SAMMSON: variants seen among roughly 807,000 people sequenced by gnomAD.
The protein encoded by SAMMSON is long intergenic non-protein coding RNA 1212.
At chr3:70,326,176 CTT>C (rs2106720012) in intron 7 of SAMMSON, among the ~76,000 whole-genome samples, 1 of 152,020 alleles carries the variant, frequency 6.6e-6, no homozygotes, top group East Asian at 1.9e-4. Flanking sequence ...CTTTCCCTTC[CTT>C]CTGCCATTCT....
intron 7 of SAMMSON, among the ~76,000 whole-genome samples, chr3:70,293,990 G>C (rs1368983563): frequency 1.3e-5 from 2 of 152,046 alleles, no homozygotes; most frequent in Admixed American, 6.6e-5. Flanking sequence ...TCACTCAAGA[G>C]TTTGAGTGTA....
At chr3:70,283,856 A>G (rs1702113629) in intron 6 of SAMMSON, 1 of 152,114 alleles carries the variant, frequency 6.6e-6, no homozygotes, top group Non-Finnish European at 1.5e-5. Flanking sequence ...TGGTGAGTAC[A>G]TAATGTATTT....
At chr3:70,284,461 C>T (rs1454343686) in intron 6 of SAMMSON, among the ~76,000 whole-genome samples, 3 of 152,036 alleles carry the variant, frequency 2.0e-5, no homozygotes, top group Non-Finnish European at 4.4e-5. Context: ...GAGATTGGAA[C>T]CCATTTACTC....
In SAMMSON at chr3:70,053,950, C is replaced by CT. The variant is rs201222992; in HGVS notation, n.418-17518dup. On this transcript the variant is annotated intron_variant and non_coding_transcript_variant, in intron 3 of 9. Coordinates refer to ENST00000642114, the Ensembl canonical transcript of SAMMSON. ...ATATTTAATATTTCACACTCATTGC[C>CT]TTTTTTTTAAATTTACTGTGTGCAT... is the stretch of plus-strand genomic sequence containing the variant. Among the ~76,000 whole-genome samples, 841 of 151,942 alleles carry CT rather than the reference C, an allele frequency of 5.5e-3. 10 individuals carry two copies. The highest frequency in any genetic ancestry group is 0.018 in the African/African-American group (758 of 41,456).
intron 7 of SAMMSON, among the ~76,000 whole-genome samples, chr3:70,350,652 A>G (rs1444752214): frequency 2.0e-5 from 3 of 152,178 alleles, no homozygotes; most frequent in Non-Finnish European, 4.4e-5. Flanking sequence ...CATTCATTCA[A>G]ATTCTAAGTT....
At chr3:70,017,082 T>C (rs1484153338) in intron 3 of SAMMSON, among the ~76,000 whole-genome samples, 3 of 152,078 alleles carry the variant, frequency 2.0e-5, no homozygotes, top group Non-Finnish European at 4.4e-5. Flanking sequence ...TCTTTTTTGG[T>C]TCTATATGAA....
intron 6 of SAMMSON, among the ~76,000 whole-genome samples, chr3:70,263,969 A>G (rs1487454557): frequency 6.6e-6 from 1 of 152,190 alleles, no homozygotes; most frequent in Non-Finnish European, 1.5e-5. Context: ...TCAACAGCAG[A>G]AGGATGATTC....
At position 70,289,752 on chromosome 3, in the gene SAMMSON, C is replaced by A. The variant is rs973224235; in HGVS notation, n.675-1427C>A. On this transcript the variant is annotated intron_variant and non_coding_transcript_variant, in intron 6 of 9. Transcript: ENST00000642114. ...AGTCCCATATTTCTTGGAGGGTTTGCTCGTTTCTTTTTATTCTTTTTTCTC... is the reference window on the plus strand; with the variant it reads ...AGTCCCATATTTCTTGGAGGGTTTGATCGTTTCTTTTTATTCTTTTTTCTC... Among the ~76,000 whole-genome samples, 105 of 152,206 alleles carry A rather than the reference C, an allele frequency of 6.9e-4. 3 individuals carry two copies. Among genetic ancestry groups the A allele is most frequent in the East Asian group, 4.5e-3 (23 of 5,168 alleles).
At chr3:70,208,614 A>T (rs1300531047) in intron 4 of SAMMSON, among the ~76,000 whole-genome samples, 1 of 152,072 alleles carries the variant, frequency 6.6e-6, no homozygotes, top group Non-Finnish European at 1.5e-5. Flanking sequence ...CATGTAGACA[A>T]GTTTGGGAAC....
chr3:70,004,486 T>C (rs970899607), intron 1 of SAMMSON, among the ~76,000 whole-genome samples: 2 of 152,146 alleles, frequency 1.3e-5, no homozygotes, highest in Non-Finnish European at 2.9e-5. Context: ...GACAGTCAAC[T>C]TGTAGAGCTA....
At chr3:70,015,940 C>T (rs1159527189) in intron 3 of SAMMSON, among the ~76,000 whole-genome samples, 1 of 152,148 alleles carries the variant, frequency 6.6e-6, no homozygotes, top group Non-Finnish European at 1.5e-5. Flanking sequence ...ATATGTGCCA[C>T]ATTTTCTTAA....
intron 4 of SAMMSON, among the ~76,000 whole-genome samples, chr3:70,244,201 A>T (rs1701684699): frequency 6.6e-6 from 1 of 152,166 alleles, no homozygotes; most frequent in Admixed American, 6.5e-5. Context: ...CAATTTTAAC[A>T]AGATGCTTCC....
At chr3:70,334,130 A>G (rs1270484175) in intron 7 of SAMMSON, among the ~76,000 whole-genome samples, 1 of 152,148 alleles carries the variant, frequency 6.6e-6, no homozygotes, top group African/African-American at 2.4e-5. Context: ...GCTTTAAGAG[A>G]TTTTTGTTAA....
intron 9 of SAMMSON, among the ~76,000 whole-genome samples, chr3:70,378,075 A>G (rs1703036307): frequency 6.6e-6 from 1 of 151,774 alleles, no homozygotes; most frequent in South Asian, 2.1e-4. Context: ...TTTCCCAGCA[A>G]TTCCCCTTCA....
At chr3:70,415,305 T>C (rs1011857586) in intron 2 of SAMMSON, among the ~76,000 whole-genome samples, 2 of 152,184 alleles carry the variant, frequency 1.3e-5, no homozygotes, top group Non-Finnish European at 2.9e-5. Context: ...TTACTAATTT[T>C]GTTTTTGTTT....
chr3:70,389,320 T>C (rs913766339), intron 9 of SAMMSON, among the ~76,000 whole-genome samples: 7 of 152,124 alleles, frequency 4.6e-5, no homozygotes, highest in Non-Finnish European at 5.9e-5. Flanking sequence ...CAAATTTTTC[T>C]TGGCAAGGAA....
chr3:70,245,218 GT>G (rs1174908104), intron 4 of SAMMSON, among the ~76,000 whole-genome samples: 1 of 151,908 alleles, frequency 6.6e-6, no homozygotes, highest in Non-Finnish European at 1.5e-5. Context: ...TTTTAAAAGA[GT>G]TTTTTTCTAA....
chr3:70,083,057 G>A (rs778301428), intron 4 of SAMMSON, among the ~76,000 whole-genome samples: 49 of 152,158 alleles, frequency 3.2e-4, no homozygotes, highest in Admixed American at 1.8e-3. Flanking sequence ...AGTAATCTTC[G>A]TTGTCATTTC....
chr3:70,035,870 A>G (rs913267690), intron 3 of SAMMSON, among the ~76,000 whole-genome samples: 1 of 152,196 alleles, frequency 6.6e-6, no homozygotes, highest in African/African-American at 2.4e-5. Flanking sequence ...TAAAAATCCT[A>G]TATCATAGGT....
Sources: gnomAD v4.1 joint callset for allele counts (sites outside exome capture counted in the v4.1 genomes callset) on GRCh38, gnomAD v4.1.1 for gene constraint, MANE v1.5 for transcripts, NCBI Gene and HGNC (gene_info 2026-07-23, HGNC 2026-07-21) for gene names.